Variants in TIMELESS observed in about 807,000 individuals in gnomAD.
TIMELESS encodes the protein protein timeless homolog.
TIMELESS carries 124 observed loss-of-function variants against 164.3 expected under a neutral mutation model. The ratio of observed to expected loss-of-function variants is 0.75; its 90% CI spans 0.65 to 0.88. The LOEUF (loss-of-function observed/expected upper bound fraction) is 0.88, where lower values mean the gene tolerates loss of function less well. Among genes scored for constraint, TIMELESS ranks in the 40% least tolerant of loss-of-function variants. TIMELESS has a pLI of 0.00. For missense variants in TIMELESS, 1,422 were observed against 1,491.4 expected (o/e 0.95, Z 0.77); for synonymous variants, 564 against 563.4 (o/e 1.00, Z -0.02).
At chr12:56,443,697 A>G (rs1382935366) in intron 1 of TIMELESS, among the ~76,000 whole-genome samples, 1 of 152,184 alleles carries the variant, frequency 6.6e-6, no homozygotes, top group Non-Finnish European at 1.5e-5. Flanking sequence ...GGTCCTACCA[A>G]TACGTGATGG....
intron 13 of TIMELESS, among the ~76,000 whole-genome samples, chr12:56,426,489 C>A (rs766560547): frequency 2.6e-4 from 38 of 148,454 alleles, no homozygotes; most frequent in African/African-American, 9.0e-4. Flanking sequence ...TGGGTTCAAG[C>A]GATTCTCCTG....
chr12:56,439,391 CTTTT>C (rs67588306), intron 1 of TIMELESS, among the ~76,000 whole-genome samples: 2 of 136,412 alleles, frequency 1.5e-5, no homozygotes, highest in Non-Finnish European at 1.6e-5. Flanking sequence ...CAGGGGTTTT[CTTTT>C]TTTTTTTTTT....
chr12:56,418,270 C>A lies in TIMELESS; in HGVS notation c.3318G>T (p.Lys1106Asn). 6.2e-7 allele frequency: 1 copy of A among 1,614,218 alleles called. No homozygotes were observed. Among genetic ancestry groups the A allele is most frequent in the Non-Finnish European group, 8.5e-7 (1 of 1,180,046 alleles). ...CTTTAGGCTGCAGCTCTGGCTGCAGCTTCTGTTCCTCCTCTGGTTGACTCA... is the reference window on the plus strand; with the variant it reads ...CTTTAGGCTGCAGCTCTGGCTGCAGATTCTGTTCCTCCTCTGGTTGACTCA... ...ASLSQPEEEQKLQPELQPKVP... is the reference protein window; with the variant it reads ...ASLSQPEEEQNLQPELQPKVP... The change falls in exon 27 of 29, where the codon AAG becomes AAT. Residue 1106 changes from lysine (K) to asparagine (N), a missense_variant. Coordinates refer to ENST00000553532, the MANE Select transcript of TIMELESS (RefSeq NM_003920.5).
At chr12:56,423,220 T>C (rs1881554239) in intron 18 of TIMELESS, 54 bp downstream of exon 18, 26 of 1,588,798 alleles carry the variant, frequency 1.6e-5, no homozygotes, top group Non-Finnish European at 2.2e-5. Flanking sequence ...GATTATTTAT[T>C]TACCTGAGGG....
Position 56,432,381 on chromosome 12 carries a change from CA to C in TIMELESS, c.674del (p.Met225SerfsTer13). 1 of 1,613,880 alleles carries C rather than the reference CA, an allele frequency of 6.2e-7. No homozygotes were observed. The highest frequency in any genetic ancestry group is 1.1e-5 in the South Asian group (1 of 91,074). ...SLHVLEIVSL[M>X]FRDQNPEQLA... The stretch of plus-strand genomic sequence containing the variant: ...GCCAGGGTCTCACCTGGTCACGAAA[CA>C]TAAGGGAGACAATCTCTAGCACATG... On this transcript the variant is annotated frameshift_variant, in exon 7 of 29. Coordinates refer to ENST00000553532, the MANE Select transcript of TIMELESS (RefSeq NM_003920.5). LOFTEE classifies it high-confidence loss of function.
intron 1 of TIMELESS, among the ~76,000 whole-genome samples, chr12:56,438,623 A>C (rs1592255395): frequency 6.6e-6 from 1 of 151,894 alleles, no homozygotes; most frequent in East Asian, 2.0e-4. Context: ...AATTTAAAAA[A>C]TGAAATTATC....
At chr12:56,435,973 A>AG (rs1565686670) in intron 1 of TIMELESS, among the ~76,000 whole-genome samples, 2 of 151,594 alleles carry the variant, frequency 1.3e-5, no homozygotes, top group East Asian at 1.9e-4. Context: ...AAAAAAAAAA[A>AG]AAAGAAACAG....
chr12:56,423,837 C>A lies in TIMELESS; in HGVS notation c.1926G>T (p.Glu642Asp), dbSNP rs1354825071. The A allele has an allele frequency of 6.2e-7, 1 of 1,614,216 alleles. No homozygotes were observed. Among genetic ancestry groups the A allele is most frequent in the Non-Finnish European group, 8.5e-7 (1 of 1,180,044 alleles). Residue 642 changes from glutamate (E) to aspartate (D), a missense_variant, in exon 16 of 29, where the codon GAG becomes GAT. Transcript: ENST00000553532. ...FGSQDISPEE[E>D]IQLLKQILSA... The stretch of plus-strand genomic sequence containing the variant: ...AGAGGATTTGTTTCAGCAACTGGAT[C>A]TCTTCCTCTGGAGAAATGTCTTGAG...
At chr12:56,425,673 A>G (rs960973802) in intron 13 of TIMELESS, among the ~76,000 whole-genome samples, 5 of 152,080 alleles carry the variant, frequency 3.3e-5, no homozygotes, top group Non-Finnish European at 5.9e-5. Context: ...TCAGGAGTTC[A>G]AGACCAGCCT....
At chr12:56,421,528 A>G in intron 22 of TIMELESS, 35 bp from the exon 23 acceptor site, 1 of 1,594,470 alleles carries the variant, frequency 6.3e-7, no homozygotes, top group Non-Finnish European at 8.6e-7. Context: ...CCCAAGGGTA[A>G]CAGGGAAAGA....
rs1881620131 is a variant in TIMELESS, at chr12:56,424,807, A to AG, written c.1822dup (p.Leu608ProfsTer21). 1 of 1,614,102 alleles carries AG rather than the reference A, an allele frequency of 6.2e-7. No homozygotes were observed. Among genetic ancestry groups the AG allele is most frequent in the African/African-American group, 1.3e-5 (1 of 74,940 alleles). On this transcript the variant is annotated frameshift_variant, in exon 15 of 29. Coordinates refer to ENST00000553532, the MANE Select transcript of TIMELESS (RefSeq NM_003920.5). LOFTEE classifies it high-confidence loss of function. ...CAGGGCCTGTGGGGCCTGGCCAGCC[A>AG]GGAGACAGTCTTGGATCCGTACCAT...
rs77786874 is a variant in TIMELESS, at chr12:56,427,504, C to G, written c.1578+732G>C. On this transcript the variant is annotated intron_variant, in intron 13 of 28. Coordinates refer to ENST00000553532, the MANE Select transcript of TIMELESS (RefSeq NM_003920.5). ...AACTTTATGGATCTGGAGACCGACA[C>G]GACCAGCTTGAGCTTATTCCAATAA... 6.4e-3 allele frequency among the ~76,000 whole-genome samples: 968 copies of G among 152,330 alleles called. 11 individuals are homozygous for G. Among genetic ancestry groups the G allele is most frequent in the African/African-American group, 0.022 (911 of 41,560 alleles).
At chr12:56,424,665 T>C (rs1240763459) in intron 15 of TIMELESS, 97 bp downstream of exon 15, 1 of 1,454,726 alleles carries the variant, frequency 6.9e-7, no homozygotes, top group African/African-American at 1.4e-5. Context: ...AGAGCCTTGA[T>C]GAGACAACTC....
chr12:56,421,494 C>A lies in TIMELESS; in HGVS notation c.2726-1G>T. The A allele has an allele frequency of 6.2e-7, 1 of 1,607,838 alleles. No homozygotes were observed. Among genetic ancestry groups the A allele is most frequent in the South Asian group, 1.1e-5 (1 of 90,384 alleles). ...TTCTTCATGATATGACCCAGGACAT[C>A]TATAAAAAGCAAGCATGTGAATACC... On this transcript the variant is annotated splice_acceptor_variant, in intron 22 of 28. Transcript: ENST00000553532. LOFTEE classifies it high-confidence loss of function.
chr12:56,431,934 A>T (rs1881900315), intron 7 of TIMELESS, among the ~76,000 whole-genome samples: 1 of 152,072 alleles, frequency 6.6e-6, no homozygotes, highest in African/African-American at 2.4e-5. Context: ...GAACATGTAT[A>T]CATATATATA....
intron 1 of TIMELESS, among the ~76,000 whole-genome samples, chr12:56,440,318 T>C (rs1049155916): frequency 6.6e-6 from 1 of 151,980 alleles, no homozygotes; most frequent in Non-Finnish European, 1.5e-5. Context: ...TTTGTATTTT[T>C]AGTAGAGATG....
chr12:56,431,753 C>T lies in TIMELESS; in HGVS notation c.688-149G>A, dbSNP rs1283418999. On this transcript the variant is annotated intron_variant, in intron 7 of 28. Transcript: ENST00000553532. ...CTCCCTTATCTGAGGGGGAAATGTT[C>T]TAAGACACCCACTGGATGCCTGAAA... The T allele has an allele frequency of 6.5e-6, 6 of 921,708 alleles. No individual in the cohort carries two copies. The African/African-American group carries it at 8.4e-5, about 13-fold the overall frequency. 57.1% of individuals were successfully genotyped at this position (921,708 alleles called of 1,614,324 possible). A position where few individuals can be genotyped will look rare whatever the true frequency, so the allele number is the denominator to read the frequency against.
Position 56,432,509 on chromosome 12 carries a change from C to A in TIMELESS, c.547G>T (p.Ala183Ser), listed in dbSNP as rs781372283. 1.9e-6 allele frequency: 3 copies of A among 1,613,794 alleles called. No individual in the cohort carries two copies. Among genetic ancestry groups the A allele is most frequent in the South Asian group, 2.2e-5 (2 of 91,072 alleles). The change falls in exon 7 of 29, where the codon GCC becomes TCC. Residue 183 changes from alanine to serine, a missense_variant. Ala to Ser is a moderately conservative substitution (Grantham distance 99). Transcript: ENST00000553532. ...CAGAGGAGCTGGTCATGGGCACTGGCGTCATCATCAATCTTCTGAGCAGTG... is the reference window on the plus strand; with the variant it reads ...CAGAGGAGCTGGTCATGGGCACTGGAGTCATCATCAATCTTCTGAGCAGTG... ...LDQEKKIDDD[A>S]SAHDQLLWAI...
rs529257827 is a variant in TIMELESS, at chr12:56,444,627, G to C, written c.-62+4683C>G. Among the ~76,000 whole-genome samples, 3 of 151,640 alleles carry C rather than the reference G, an allele frequency of 2.0e-5. No homozygotes were observed. In the South Asian group the frequency reaches 6.2e-4, roughly 32 times the overall value. ...AGTGGTGCGATCTCGGCTCACTGCAGCCTCAAGCCCCCAGGCTCAAGCTAT... is the reference window on the plus strand; with the variant it reads ...AGTGGTGCGATCTCGGCTCACTGCACCCTCAAGCCCCCAGGCTCAAGCTAT... On this transcript the variant is annotated intron_variant, in intron 1 of 28. Transcript: ENST00000553532.
Sources: allele counts gnomAD v4.1 joint callset (sites outside exome capture counted in the v4.1 genomes callset), GRCh38; gene constraint gnomAD v4.1.1; transcripts MANE v1.5; gene names NCBI Gene and HGNC (gene_info 2026-07-23, HGNC 2026-07-21).